The following LRRC7 variants were observed in gnomAD, a reference collection of about 807,000 sequenced individuals.
LRRC7 encodes leucine rich repeat containing 7, also known as leucine-rich repeat-containing protein 7.
LRRC7 carries 23 observed loss-of-function variants against 175.7 expected under a neutral mutation model. The observed-to-expected ratio is 0.13, with a 90% CI of 0.09 to 0.19. The LOEUF is 0.19. Ranked by LOEUF, LRRC7 falls within the 10% of genes least tolerant of loss-of-function variation. The probability of loss-of-function intolerance (pLI) is 1.00; values close to 1 mark genes in which losing one functional copy is unlikely to be tolerated. For synonymous variants in LRRC7, 685 were observed against 680.9 expected (o/e 1.01, Z -0.09); for missense variants, 1,354 against 1,904.7 (o/e 0.71, Z 5.38).
intron 1 of LRRC7, among the ~76,000 whole-genome samples, chr1:69,575,678 A>C (rs1464138356): frequency 6.6e-6 from 1 of 152,190 alleles, no homozygotes; most frequent in Non-Finnish European, 1.5e-5. Flanking sequence ...TGATCTTTTT[A>C]GGATAATGCC....
At chr1:69,925,332 A>T (rs1180402016) in intron 7 of LRRC7, among the ~76,000 whole-genome samples, 1 of 152,034 alleles carries the variant, frequency 6.6e-6, no homozygotes, top group South Asian at 2.1e-4. Flanking sequence ...GTTAGGGAGG[A>T]TTCCTTCTTT....
intron 7 of LRRC7, among the ~76,000 whole-genome samples, chr1:69,866,674 G>C (rs1015066791): frequency 6.6e-6 from 1 of 152,056 alleles, no homozygotes; most frequent in Non-Finnish European, 1.5e-5. Flanking sequence ...ATGCCTTATA[G>C]TGGTGTCATT....
chr1:69,625,921 G>C (rs1040247757), intron 1 of LRRC7, among the ~76,000 whole-genome samples: 2 of 152,070 alleles, frequency 1.3e-5, no homozygotes, highest in Admixed American at 1.3e-4. Flanking sequence ...CATTGGTCTG[G>C]TGTTCTATAG....
At chr1:69,898,825 T>C (rs1460113116) in intron 7 of LRRC7, among the ~76,000 whole-genome samples, 1 of 152,214 alleles carries the variant, frequency 6.6e-6, no homozygotes, top group East Asian at 1.9e-4. Context: ...GCCAAATATC[T>C]GGTTTCTAAG....
intron 4 of LRRC7, among the ~76,000 whole-genome samples, chr1:69,796,989 G>A (rs972334594): frequency 2.0e-5 from 3 of 151,986 alleles, no homozygotes; most frequent in Non-Finnish European, 4.4e-5. Context: ...TGACTAGATT[G>A]TGAGACCCTT....
At chr1:70,106,773 C>T (rs1023473928) in intron 25 of LRRC7, among the ~76,000 whole-genome samples, 6 of 152,208 alleles carry the variant, frequency 3.9e-5, no homozygotes, top group African/African-American at 1.4e-4. Context: ...CAGGCACACT[C>T]ACTTATGTGC....
At chr1:69,818,230 A>G (rs1411835659) in intron 4 of LRRC7, among the ~76,000 whole-genome samples, 1 of 152,092 alleles carries the variant, frequency 6.6e-6, no homozygotes, top group Non-Finnish European at 1.5e-5. Context: ...ACTGTTGAGT[A>G]TGATGTTGGC....
chr1:69,981,783 C>G (rs1321639815), intron 9 of LRRC7, among the ~76,000 whole-genome samples: 1 of 152,110 alleles, frequency 6.6e-6, no homozygotes, highest in Non-Finnish European at 1.5e-5. Context: ...ACCTCTTCTT[C>G]AATATATTTA....
At chr1:69,858,138 G>A (rs893907476) in intron 7 of LRRC7, among the ~76,000 whole-genome samples, 27 of 152,108 alleles carry the variant, frequency 1.8e-4, no homozygotes, top group African/African-American at 6.5e-4. Context: ...TTAAATGTTA[G>A]ACCTAAAACC....
chr1:69,939,724 G>A (rs530690742), intron 8 of LRRC7, among the ~76,000 whole-genome samples: 1 of 152,184 alleles, frequency 6.6e-6, no homozygotes, highest in South Asian at 2.1e-4. Context: ...AGTTTTCCTT[G>A]CACCTAGCAG....
At chr1:70,110,999 C>T (rs945744804) in intron 26 of LRRC7, among the ~76,000 whole-genome samples, 13 of 151,752 alleles carry the variant, frequency 8.6e-5, no homozygotes, top group African/African-American at 2.7e-4. Context: ...TTCAATGGAG[C>T]GAATTTATTT....
chr1:69,570,278 A>G (rs1024642812), intron 1 of LRRC7, among the ~76,000 whole-genome samples: 1 of 152,048 alleles, frequency 6.6e-6, no homozygotes, highest in Non-Finnish European at 1.5e-5. Flanking sequence ...TGAGATGTTC[A>G]GCATCCTGGT....
chr1:70,052,888 A>G (rs545494556), intron 22 of LRRC7, 138 bp from the exon 23 acceptor site: 303 of 777,354 alleles, frequency 3.9e-4, no homozygotes, highest in Middle Eastern at 5.1e-4. Flanking sequence ...AATAGTATAT[A>G]ATATTTGCAG....
intron 7 of LRRC7, among the ~76,000 whole-genome samples, chr1:69,913,287 C>T (rs1341068306): frequency 6.6e-6 from 1 of 152,116 alleles, no homozygotes; most frequent in South Asian, 2.1e-4. Context: ...TGCCATAAGC[C>T]AGTTTGACTT....
chr1:69,714,106 A>G (rs1665084730), intron 2 of LRRC7, among the ~76,000 whole-genome samples: 1 of 152,126 alleles, frequency 6.6e-6, no homozygotes, highest in Admixed American at 6.6e-5. Context: ...CTTGCTCTCC[A>G]GGCCTTCCCT....
intron 1 of LRRC7, among the ~76,000 whole-genome samples, chr1:69,591,371 A>T (rs1230788033): frequency 6.6e-6 from 1 of 152,076 alleles, no homozygotes; most frequent in Non-Finnish European, 1.5e-5. Context: ...TTGCCACTTC[A>T]TAAAAAGGGT....
At chr1:69,901,573 C>T (rs1175353041) in intron 7 of LRRC7, among the ~76,000 whole-genome samples, 4 of 152,118 alleles carry the variant, frequency 2.6e-5, no homozygotes, top group Non-Finnish European at 5.9e-5. Context: ...GGGAACATGA[C>T]CTACTGTAGC....
In LRRC7 at chr1:70,038,234, G is replaced by T. The variant is rs1262901519; in HGVS notation, c.2410G>T (p.Asp804Tyr). Residue 804 changes from aspartate (D) to tyrosine (Y), a missense_variant, in exon 21 of 27, where the codon GAC becomes TAC. By Grantham distance (160) the Asp-to-Tyr change is radical. This residue lies in a region of LRRC7 where 1,032 missense variants were observed against 1,227.2 expected (regional missense o/e 0.84). Transcript: ENST00000651989. ...DRLPMSDTFT[D>Y]NWTDGSHYDN... ...GCTGCCCATGAGTGATACTTTCACT[G>T]ACAACTGGACTGATGGCTCGCATTA... is the stretch of plus-strand genomic sequence containing the variant. 5 of 1,614,016 alleles carry T rather than the reference G, an allele frequency of 3.1e-6. No individual in the cohort carries two copies. The highest frequency in any genetic ancestry group is 4.2e-6 in the Non-Finnish European group (5 of 1,180,018).
chr1:70,072,006 A>G (rs1438641455), intron 23 of LRRC7, among the ~76,000 whole-genome samples: 1 of 152,182 alleles, frequency 6.6e-6, no homozygotes, highest in Non-Finnish European at 1.5e-5. Flanking sequence ...TTTGCTATCA[A>G]ATCAACAATT....
Sources: allele counts gnomAD v4.1 joint callset (sites outside exome capture counted in the v4.1 genomes callset), GRCh38; gene constraint gnomAD v4.1.1; regional missense constraint gnomAD v4.1.1; transcripts MANE v1.5; gene names NCBI Gene and HGNC (gene_info 2026-07-23, HGNC 2026-07-21).